Variants in MAP3K9 observed in about 807,000 individuals in gnomAD.
MAP3K9 encodes mitogen-activated protein kinase kinase kinase 9.
In MAP3K9, 46 loss-of-function variants were observed where a neutral mutation model predicts 95.8. That is an observed-to-expected ratio of 0.48 (90% CI 0.38 to 0.61). The LOEUF is 0.61. Among genes scored for constraint, MAP3K9 ranks in the 20% least tolerant of loss-of-function variants. MAP3K9 has a pLI of 0.00. For missense variants in MAP3K9, 1,296 were observed against 1,474.3 expected, an observed-to-expected ratio of 0.88 and a Z score of 1.98; for synonymous variants, 533 against 593.8, an observed-to-expected ratio of 0.90 and a Z score of 1.49.
chr14:70,806,794 C>T (rs1280777577), intron 1 of MAP3K9, among the ~76,000 whole-genome samples: 1 of 152,174 alleles, frequency 6.6e-6, no homozygotes, highest in Non-Finnish European at 1.5e-5. Flanking sequence ...CATTAGCTGT[C>T]CCTGAAAACA....
chr14:70,768,330 C>A (rs1438620718), intron 2 of MAP3K9, among the ~76,000 whole-genome samples: 3 of 151,998 alleles, frequency 2.0e-5, no homozygotes, highest in Non-Finnish European at 4.4e-5. Flanking sequence ...AGAAGAAATT[C>A]TATATCACTA....
intron 3 of MAP3K9, among the ~76,000 whole-genome samples, 196 bp downstream of exon 3, chr14:70,760,806 A>AT (rs2139779996): frequency 1.3e-5 from 2 of 152,124 alleles, no homozygotes; most frequent in South Asian, 2.1e-4. Context: ...CACTTCAGGG[A>AT]TTTTTTTGGT....
chr14:70,749,717 AT>A, intron 4 of MAP3K9: 2 of 505,150 alleles, frequency 4.0e-6, no homozygotes. Flanking sequence ...TTTGTTACTA[AT>A]TTCACTTCTA....
intron 4 of MAP3K9, chr14:70,749,647 T>C (rs2054198588): frequency 2.9e-6 from 1 of 344,646 alleles, no homozygotes. Context: ...GACATAAAAG[T>C]TGCTGTACTT....
rs1440131129 is a variant in MAP3K9, at chr14:70,725,764, C to T, written c.*4616G>A. ...CTAAAGCCAAAGAGAGAGGCAGGTA[C>T]ATTAGGGTGAACCATATGAAATAGC... On this transcript the variant is annotated 3_prime_UTR_variant, in exon 12 of 12. Transcript: ENST00000554752. The T allele has an allele frequency of 6.6e-6, 1 of 152,088 alleles. No homozygotes were observed. 9.4% of individuals were successfully genotyped at this position (152,088 alleles called of 1,614,324 possible). A position where few individuals can be genotyped will look rare whatever the true frequency, so the allele number is the denominator to read the frequency against.
chr14:70,786,829 T>C (rs2054750766), intron 2 of MAP3K9, among the ~76,000 whole-genome samples: 2 of 152,226 alleles, frequency 1.3e-5, no homozygotes, highest in South Asian at 2.1e-4. Context: ...ATCCAAAATC[T>C]ATCGCTATTT....
chr14:70,770,728 C>T (rs1019644062), intron 2 of MAP3K9, among the ~76,000 whole-genome samples: 11 of 152,112 alleles, frequency 7.2e-5, no homozygotes, highest in African/African-American at 2.7e-4. Flanking sequence ...TGATGACATT[C>T]TGAGTCACGC....
Position 70,763,724 on chromosome 14 carries a change from G to A in MAP3K9, c.821-2542C>T, listed in dbSNP as rs545222539. On this transcript the variant is annotated intron_variant, in intron 2 of 11. Transcript: ENST00000554752. ...TATTTTAGTTTTTGTAGAGAAGTGG[G>A]TCTCACTTCATTGTCCAGGCTGGTC... Among the ~76,000 whole-genome samples the A allele has an allele frequency of 7.9e-5, 12 of 151,892 alleles. No individual in the cohort carries two copies. The South Asian group carries it at 2.5e-3, about 32-fold the overall frequency.
Position 70,809,369 on chromosome 14 carries a change from T to A in MAP3K9, c.-198A>T. ...TACGAGAAGAGCGCCGAGCGCGAGC[T>A]CTTCGCGCAGCCTAGGGGCGCAGCG... On this transcript the variant is annotated 5_prime_UTR_variant, in exon 1 of 12. Coordinates refer to ENST00000554752, the MANE Select transcript of MAP3K9 (RefSeq NM_001284230.2). The A allele has an allele frequency of 1.6e-6, 1 of 621,578 alleles. No individual in the cohort carries two copies. Among genetic ancestry groups the A allele is most frequent in the Non-Finnish European group, 2.3e-6 (1 of 433,684 alleles). The allele number at this position is 621,578 out of a possible 1,614,324, so 38.5% of individuals were successfully genotyped here. A position where few individuals can be genotyped will look rare whatever the true frequency, so the allele number is the denominator to read the frequency against.
intron 2 of MAP3K9, among the ~76,000 whole-genome samples, chr14:70,775,111 T>C (rs916111718): frequency 5.3e-5 from 8 of 151,146 alleles, no homozygotes; most frequent in African/African-American, 1.7e-4. Flanking sequence ...TTCATCATTG[T>C]CGAAATCCAA....
At position 70,750,179 on chromosome 14, in the gene MAP3K9, A is replaced by G. The variant is rs2054205463; in HGVS notation, c.1002-98T>C. ...TTCTGAGCATCCCACATTCTCCCCAACAGATAGTGAGACTAATGAAACAGA... is the reference window on the plus strand; with the variant it reads ...TTCTGAGCATCCCACATTCTCCCCAGCAGATAGTGAGACTAATGAAACAGA... On this transcript the variant is annotated intron_variant, in intron 3 of 11. Transcript: ENST00000554752. 11 of 1,074,966 alleles carry G rather than the reference A, an allele frequency of 1.0e-5. No homozygotes were observed. The South Asian group carries it at 1.7e-4, about 16-fold the overall frequency. The allele number at this position is 1,074,966 out of a possible 1,614,324, so 66.6% of individuals were successfully genotyped here. A position where few individuals can be genotyped will look rare whatever the true frequency, so the allele number is the denominator to read the frequency against.
chr14:70,805,578 A>G (rs559936045), intron 1 of MAP3K9, among the ~76,000 whole-genome samples: 29 of 152,324 alleles, frequency 1.9e-4, no homozygotes, highest in Non-Finnish European at 4.0e-4. Context: ...TATCATTTTT[A>G]TATGTTTTCT....
At chr14:70,783,967 T>C (rs1001001281) in intron 2 of MAP3K9, among the ~76,000 whole-genome samples, 1 of 152,238 alleles carries the variant, frequency 6.6e-6, no homozygotes, top group African/African-American at 2.4e-5. Flanking sequence ...CTGAAATCTA[T>C]ATATACTTCT....
intron 2 of MAP3K9, among the ~76,000 whole-genome samples, chr14:70,764,457 AT>A (rs969558506): frequency 1.3e-5 from 2 of 151,652 alleles, no homozygotes; most frequent in African/African-American, 4.9e-5. Flanking sequence ...GTTAAAAAAA[AT>A]AATGTAGGCT....
At chr14:70,737,703 A>C (rs2054004209) in intron 8 of MAP3K9, among the ~76,000 whole-genome samples, 1 of 152,230 alleles carries the variant, frequency 6.6e-6, no homozygotes, top group Non-Finnish European at 1.5e-5. Context: ...TAGGCAAGAG[A>C]GTCCTGTTAA....
At chr14:70,732,182 A>C (rs576701849) in intron 11 of MAP3K9, among the ~76,000 whole-genome samples, 5 of 152,196 alleles carry the variant, frequency 3.3e-5, no homozygotes, top group Non-Finnish European at 7.4e-5. Flanking sequence ...AAAATGCATC[A>C]TCCTCCTCAG....
At chr14:70,756,877 G>A (rs1290369166) in intron 3 of MAP3K9, among the ~76,000 whole-genome samples, 1 of 152,132 alleles carries the variant, frequency 6.6e-6, no homozygotes, top group Non-Finnish European at 1.5e-5. Flanking sequence ...TAGCTTAATT[G>A]ATGTATTAAT....
intron 3 of MAP3K9, 118 bp from the exon 4 acceptor site, chr14:70,750,199 A>G: frequency 1.1e-6 from 1 of 930,230 alleles, no homozygotes; most frequent in Non-Finnish European, 1.6e-6. Flanking sequence ...AGACTAATGA[A>G]ACAGAAATAC....
In MAP3K9 at chr14:70,730,594, G is replaced by A; in HGVS notation, c.3101C>T (p.Ser1034Phe). 1.9e-6 allele frequency: 3 copies of A among 1,614,082 alleles called. No individual in the cohort carries two copies. Among genetic ancestry groups the A allele is most frequent in the South Asian group, 1.1e-5 (1 of 91,090 alleles). ...AGTGCTGCTACTGCTAGCAAAGCAG[G>A]AGTCCAGGTTGCTGGGCGTCTCTGT... ...SSTETPSNLD[S>F]CFASSSSTVE... Residue 1034 changes from serine (S) to phenylalanine (F), a missense_variant, in exon 12 of 12, where the codon TCC becomes TTC. This residue lies in a region of MAP3K9 where 433 missense variants were observed against 441.4 expected (regional missense o/e 0.98). Transcript: ENST00000554752.
Sources: allele counts gnomAD v4.1 joint callset (sites outside exome capture counted in the v4.1 genomes callset), GRCh38; gene constraint gnomAD v4.1.1; regional missense constraint gnomAD v4.1.1; transcripts MANE v1.5; gene names NCBI Gene and HGNC (gene_info 2026-07-23, HGNC 2026-07-21).